Variants in TMEM132D observed in about 807,000 individuals in gnomAD.
TMEM132D encodes the protein mature OL transmembrane protein.
A neutral mutation model predicts 62.3 loss-of-function variants in TMEM132D; 21 were observed. The ratio of observed to expected loss-of-function variants is 0.34; its 90% CI spans 0.24 to 0.49. The LOEUF (loss-of-function observed/expected upper bound fraction) is 0.49, where lower values mean the gene tolerates loss of function less well. TMEM132D is among the 20% of genes least tolerant of loss of function. The pLI is 0.99. For synonymous variants in TMEM132D, 621 were observed against 575.6 expected (o/e 1.08, Z -1.13); for missense variants, 1,346 against 1,402.8 (o/e 0.96, Z 0.65).
intron 5 of TMEM132D, among the ~76,000 whole-genome samples, chr12:129,089,183 G>C (rs1874800218): frequency 2.7e-5 from 1 of 37,576 alleles, no homozygotes; most frequent in Non-Finnish European, 4.3e-5. Context: ...TCCATGACCG[G>C]GATGTCCTCC....
At chr12:129,415,383 T>C (rs1333735802) in intron 3 of TMEM132D, among the ~76,000 whole-genome samples, 1 of 152,246 alleles carries the variant, frequency 6.6e-6, no homozygotes, top group African/African-American at 2.4e-5. Flanking sequence ...TGTGAGGGGC[T>C]ATCTCATAGT....
chr12:129,664,627 G>A (rs660322), intron 2 of TMEM132D, among the ~76,000 whole-genome samples: 115,036 of 151,584 alleles, frequency 0.76, 44,071 homozygotes, highest in East Asian at 0.85. Flanking sequence ...GGGTTTCACC[G>A]TGTTAGCCAG....
chr12:129,540,939 T>C (rs900397320), intron 2 of TMEM132D, among the ~76,000 whole-genome samples: 1 of 152,228 alleles, frequency 6.6e-6, no homozygotes, highest in African/African-American at 2.4e-5. Context: ...CCCAGCTTCA[T>C]TCAACACTTT....
chr12:129,142,000 T>G (rs1235593241), intron 5 of TMEM132D, among the ~76,000 whole-genome samples: 1 of 147,658 alleles, frequency 6.8e-6, no homozygotes, highest in Non-Finnish European at 1.5e-5. Context: ...ATAACAATAT[T>G]AAATATATAT....
intron 5 of TMEM132D, among the ~76,000 whole-genome samples, chr12:129,106,314 C>T (rs1418423943): frequency 6.7e-6 from 1 of 149,898 alleles, no homozygotes; most frequent in Non-Finnish European, 1.5e-5. Flanking sequence ...ATACCTAATG[C>T]TAGATGACGA....
intron 3 of TMEM132D, among the ~76,000 whole-genome samples, chr12:129,418,257 C>T (rs775999787): frequency 1.3e-5 from 2 of 152,192 alleles, no homozygotes; most frequent in Non-Finnish European, 2.9e-5. Context: ...AAGACACATA[C>T]ACGTGTATGT....
chr12:129,286,069 G>A (rs1271111585), intron 4 of TMEM132D, among the ~76,000 whole-genome samples: 1 of 152,136 alleles, frequency 6.6e-6, no homozygotes, highest in Non-Finnish European at 1.5e-5. Flanking sequence ...GAAGGCTGTG[G>A]CAACCAACCT....
At chr12:129,103,867 A>T (rs1476518640) in intron 5 of TMEM132D, among the ~76,000 whole-genome samples, 1 of 152,156 alleles carries the variant, frequency 6.6e-6, no homozygotes, top group Non-Finnish European at 1.5e-5. Flanking sequence ...GAGAACTACA[A>T]ACCACTGCTC....
chr12:129,807,499 G>A (rs1438806373), intron 1 of TMEM132D, among the ~76,000 whole-genome samples: 7 of 152,146 alleles, frequency 4.6e-5, no homozygotes, highest in African/African-American at 1.7e-4. Flanking sequence ...ATAGAAATAG[G>A]ATGTTCCTTA....
rs115286885 is a variant in TMEM132D, at chr12:129,216,210, C to T, written c.1300-6547G>A. On this transcript the variant is annotated intron_variant, in intron 4 of 8. Transcript: ENST00000422113. ...TCTTGGGTTTGCCCTAGATTTGGTG[C>T]GTTAGTATTTGTAGAGTGTTTAGAA... 5.8e-3 allele frequency among the ~76,000 whole-genome samples: 879 copies of T among 152,224 alleles called. 6 individuals are homozygous for T. Among genetic ancestry groups the T allele is most frequent in the African/African-American group, 0.019 (809 of 41,540 alleles).
chr12:129,185,925 T>A (rs751203368), intron 5 of TMEM132D, among the ~76,000 whole-genome samples: 4 of 152,216 alleles, frequency 2.6e-5, no homozygotes, highest in Non-Finnish European at 5.9e-5. Context: ...CTTGTTTTAA[T>A]AAAGTTCTTT....
intron 3 of TMEM132D, among the ~76,000 whole-genome samples, chr12:129,480,282 G>A (rs1707548871): frequency 6.6e-6 from 1 of 152,218 alleles, no homozygotes; most frequent in South Asian, 2.1e-4. Context: ...AAGGAACAGG[G>A]GAGCCATACT....
intron 1 of TMEM132D, among the ~76,000 whole-genome samples, chr12:129,711,372 TA>T (rs1271282599): frequency 6.6e-6 from 1 of 152,182 alleles, no homozygotes; most frequent in Non-Finnish European, 1.5e-5. Context: ...CCAGCAGCGC[TA>T]TCAATCAGGT....
At chr12:129,130,015 C>CTGTGTGTGTGTCTGTGTGTGTG (rs376534965) in intron 5 of TMEM132D, among the ~76,000 whole-genome samples, 69 of 141,854 alleles carry the variant, frequency 4.9e-4, no homozygotes, top group Non-Finnish European at 8.2e-4. Flanking sequence ...AAGCTCTGCT[C>CTGTGTGTGTGTCTGTGTGTGTG]TGTGTGTGTG....
intron 3 of TMEM132D, among the ~76,000 whole-genome samples, chr12:129,419,822 T>A (rs934131105): frequency 6.6e-6 from 1 of 152,046 alleles, no homozygotes; most frequent in Non-Finnish European, 1.5e-5. Flanking sequence ...TTGTTTTAGA[T>A]GTGGCAAGTT....
rs1593276823 is a variant in TMEM132D, at chr12:129,148,246, C to A, written c.1443+61274G>T. Among the ~76,000 whole-genome samples, 4 of 152,156 alleles carry A rather than the reference C, an allele frequency of 2.6e-5. 1 individual carries two copies. The Middle Eastern group carries it at 0.014, about 518-fold the overall frequency. Reference sequence around the variant, plus strand: ...TTTTGACTAAGATAAAATCTATAGCCCCATGTGGGTGGCAGAATAATGGCC... The same window carrying A: ...TTTTGACTAAGATAAAATCTATAGCACCATGTGGGTGGCAGAATAATGGCC... On this transcript the variant is annotated intron_variant, in intron 5 of 8. Coordinates refer to ENST00000422113, the MANE Select transcript of TMEM132D (RefSeq NM_133448.3).
intron 2 of TMEM132D, among the ~76,000 whole-genome samples, chr12:129,695,247 A>AT (rs1439181093): frequency 6.6e-6 from 1 of 152,226 alleles, no homozygotes; most frequent in Non-Finnish European, 1.5e-5. Flanking sequence ...GGGGCAGCAG[A>AT]TAAAAACTAA....
chr12:129,610,790 C>T (rs1326030868), intron 2 of TMEM132D, among the ~76,000 whole-genome samples: 2 of 151,718 alleles, frequency 1.3e-5, no homozygotes, highest in Admixed American at 6.6e-5. Flanking sequence ...AAGTGAATTA[C>T]GAACTTGTTC....
chr12:129,895,121 C>T (rs1184347649), intron 1 of TMEM132D, among the ~76,000 whole-genome samples: 1 of 152,194 alleles, frequency 6.6e-6, no homozygotes, highest in Non-Finnish European at 1.5e-5. Context: ...GCTCAAGGTT[C>T]ATACCACACC....
Sources: allele counts gnomAD v4.1 joint callset (sites outside exome capture counted in the v4.1 genomes callset), GRCh38; gene constraint gnomAD v4.1.1; transcripts MANE v1.5; gene names NCBI Gene and HGNC (gene_info 2026-07-23, HGNC 2026-07-21).